The following CARS2 variants were observed in gnomAD, a reference collection of about 807,000 sequenced individuals.
The protein encoded by CARS2 is cysteinyl-tRNA synthetase 2, mitochondrial.
In CARS2, 52 loss-of-function variants were observed where a neutral mutation model predicts 68.8. The ratio of observed to expected loss-of-function variants is 0.76; its 90% CI spans 0.61 to 0.95. The LOEUF (loss-of-function observed/expected upper bound fraction) is 0.95. CARS2 is among the 40% of genes least tolerant of loss of function. The probability of loss-of-function intolerance (pLI) is 0.00; values close to 1 mark genes in which losing one functional copy is unlikely to be tolerated. For synonymous variants in CARS2, 314 were observed against 303.6 expected (o/e 1.03, Z -0.36); for missense variants, 780 against 754.2 (o/e 1.03, Z -0.40).
chr13:110,712,695 G>A (rs1206010825), intron 1 of CARS2: 2 of 683,056 alleles, frequency 2.9e-6, no homozygotes, highest in Admixed American at 2.0e-5. Context: ...CCGACCGGGT[G>A]TCTGCATACT....
intron 14 of CARS2, 43 bp downstream of exon 14, chr13:110,642,272 C>A: frequency 6.7e-7 from 1 of 1,487,970 alleles, no homozygotes; most frequent in Non-Finnish European, 9.1e-7. Flanking sequence ...GTTGACCTAC[C>A]CGGCTCCTGG....
At chr13:110,685,462 A>G (rs561197413) in intron 5 of CARS2, among the ~76,000 whole-genome samples, 1 of 152,368 alleles carries the variant, frequency 6.6e-6, no homozygotes, top group East Asian at 1.9e-4. Flanking sequence ...AAGGACAGGA[A>G]CGTCCAGGGC....
chr13:110,701,683 G>C (rs943196929), intron 2 of CARS2, 128 bp from the exon 3 acceptor site: 5 of 605,768 alleles, frequency 8.3e-6, no homozygotes, highest in Admixed American at 5.4e-5. Flanking sequence ...CAGGTCAGCG[G>C]AGCAGGTACA....
chr13:110,693,109 C>CAGAA (rs1491347864), intron 3 of CARS2, among the ~76,000 whole-genome samples: 1 of 59,434 alleles, frequency 1.7e-5, no homozygotes, highest in African/African-American at 7.6e-5. Context: ...GACTCTGTCT[C>CAGAA]AAAAAAAAAA....
chr13:110,682,578 C>T (rs967149162), intron 6 of CARS2, among the ~76,000 whole-genome samples: 1 of 152,192 alleles, frequency 6.6e-6, no homozygotes, highest in South Asian at 2.1e-4. Context: ...CCATATACTG[C>T]GCTTACTATT....
chr13:110,687,561 C>A (rs907091977), intron 5 of CARS2, among the ~76,000 whole-genome samples, 160 bp downstream of exon 5: 1 of 151,812 alleles, frequency 6.6e-6, no homozygotes, highest in African/African-American at 2.4e-5. Context: ...ACCTTGTAGT[C>A]CCAGCTATTC....
chr13:110,674,424 C>T (rs2062887524), intron 7 of CARS2, among the ~76,000 whole-genome samples: 1 of 151,232 alleles, frequency 6.6e-6, no homozygotes, highest in African/African-American at 2.4e-5. Flanking sequence ...ACATCTACAA[C>T]CATCTGATCT....
chr13:110,700,657 G>A (rs1025747904), intron 3 of CARS2, among the ~76,000 whole-genome samples: 3 of 152,228 alleles, frequency 2.0e-5, no homozygotes, highest in African/African-American at 4.8e-5. Context: ...TCTGCTCTGC[G>A]CAGCACACAG....
rs776254291 is a variant in CARS2 at position 110,705,870 on chromosome 13, C to G, written c.224G>C (p.Trp75Ser). The G allele has an allele frequency of 1.9e-6, 3 of 1,556,956 alleles. No individual in the cohort carries two copies. Among genetic ancestry groups the G allele is most frequent in the South Asian group, 1.2e-5 (1 of 84,688 alleles). The change falls in exon 1 of 15, where the codon TGG (tryptophan) becomes TCG (serine). Residue 75 changes from tryptophan to serine, a missense_variant and splice_region_variant. Physicochemically the swap from Trp to Ser is radical, Grantham distance 177 (BLOSUM62 -3). Coordinates refer to ENST00000257347, the MANE Select transcript of CARS2 (RefSeq NM_024537.4). This position sits in a 1 kb window ranked among gnomAD's most constrained non-coding sequence, Gnocchi z 4.0. ...LIVAHAEAAS[W>S]YSCGPTVYDH... ...CGTGCCCCAGTCCCGCGCGGCCCAC[C>G]AGGAGGCGGCTTCGGCGTGCGCCAC... is the stretch of plus-strand genomic sequence containing the variant.
chr13:110,657,405 G>A (rs1486331350), intron 9 of CARS2, among the ~76,000 whole-genome samples: 1 of 152,188 alleles, frequency 6.6e-6, no homozygotes, highest in Non-Finnish European at 1.5e-5. Flanking sequence ...GAAACGGCAG[G>A]TCTGGGTAGG....
At position 110,641,515 on chromosome 13, in the gene CARS2, G is replaced by C; in HGVS notation, c.*22C>G. The stretch of plus-strand genomic sequence containing the variant: ...GCATGGGTGCGTCTTGTCGTGAGCA[G>C]GTTCATGGCTGTGCTCCATCCTCAG... On this transcript the variant is annotated 3_prime_UTR_variant, in exon 15 of 15. Transcript: ENST00000257347. The C allele has an allele frequency of 6.3e-7, 1 of 1,598,694 alleles. No individual in the cohort carries two copies. Among genetic ancestry groups the C allele is most frequent in the South Asian group, 1.1e-5 (1 of 90,768 alleles).
chr13:110,710,324 G>C (rs571767971), upstream of CARS2, among the ~76,000 whole-genome samples: 483 of 152,346 alleles, frequency 3.2e-3, 5 homozygotes, highest in African/African-American at 0.011. Context: ...GGAGGTTGCA[G>C]TGAGCTGAGA....
chr13:110,641,413 A>G, downstream of CARS2: 1 of 776,162 alleles, frequency 1.3e-6, no homozygotes, highest in Non-Finnish European at 2.3e-6. Flanking sequence ...CCAGTGGGAC[A>G]CTGTTGGTTG....
At position 110,705,635 on chromosome 13, in the gene CARS2, G is replaced by T; in HGVS notation, c.225-64C>A. The T allele has an allele frequency of 6.6e-7, 1 of 1,518,176 alleles. No individual in the cohort carries two copies. Among genetic ancestry groups the T allele is most frequent in the Non-Finnish European group, 9.1e-7 (1 of 1,093,936 alleles). 94.0% of individuals were successfully genotyped at this position (1,518,176 alleles called of 1,614,324 possible). On this transcript the variant is annotated intron_variant, in intron 1 of 14. Transcript: ENST00000257347. This position sits in a 1 kb window ranked among gnomAD's most constrained non-coding sequence, Gnocchi z 4.0. ...TGCAAGAAAGGACATTCGATTCTGA[G>T]TTATAATGATCATATAATTTTTAAA...
At chr13:110,664,985 C>T (rs142970951) in intron 8 of CARS2, 132 of 983,354 alleles carry the variant, frequency 1.3e-4, no homozygotes, top group Non-Finnish European at 9.2e-5. Context: ...GCAGCCCTAA[C>T]AGGCTGGGAT....
intron 10 of CARS2, chr13:110,649,321 C>G (rs148895378): frequency 2.6e-5 from 4 of 152,280 alleles, no homozygotes; most frequent in Non-Finnish European, 4.4e-5. Flanking sequence ...AGAAAGCCAA[C>G]GACGTGGCGT....
At chr13:110,706,356 G>A (rs959994540), upstream of CARS2, 1 of 281,632 alleles carries the variant, frequency 3.6e-6, no homozygotes, top group Middle Eastern at 1.0e-3. Context: ...GGGAGGCCGT[G>A]GGAAGAGGCG....
intron 8 of CARS2, 147 bp downstream of exon 8, chr13:110,667,193 T>C (rs937289105): frequency 4.4e-5 from 35 of 799,272 alleles, no homozygotes; most frequent in Middle Eastern, 2.7e-4. Flanking sequence ...GTTCAAATGA[T>C]TGAAACTCAA....
intron 8 of CARS2, 66 bp from the exon 9 acceptor site, chr13:110,663,584 T>C (rs985295129): frequency 3.1e-6 from 5 of 1,588,448 alleles, no homozygotes; most frequent in Non-Finnish European, 4.3e-6. Context: ...CAGGGACACA[T>C]GGCTCCCCAG....
Sources: gnomAD v4.1 joint callset for allele counts (sites outside exome capture counted in the v4.1 genomes callset) on GRCh38, gnomAD v4.1.1 for gene constraint, Gnocchi (gnomAD v3.1) non-coding constraint, MANE v1.5 for transcripts, NCBI Gene and HGNC (gene_info 2026-07-23, HGNC 2026-07-21) for gene names.